VAC14: variants seen among roughly 807,000 people sequenced by gnomAD.
VAC14 encodes the protein VAC14 component of PIKFYVE complex, also known as protein VAC14 homolog.
Under a neutral mutation model 85.3 loss-of-function variants are expected in VAC14, and 47 were observed. That is an observed-to-expected ratio of 0.55 (90% CI 0.44 to 0.70). The LOEUF is 0.70. VAC14 is among the 30% of genes least tolerant of loss of function. VAC14 has a pLI of 0.00. For missense variants in VAC14, 861 were observed against 1,004.3 expected, an observed-to-expected ratio of 0.86 and a Z score of 1.93; for synonymous variants, 447 against 430.5, an observed-to-expected ratio of 1.04 and a Z score of -0.47.
chr16:70,757,162 G>A (rs1475465327), intron 12 of VAC14, among the ~76,000 whole-genome samples: 1 of 152,136 alleles, frequency 6.6e-6, no homozygotes, highest in Non-Finnish European at 1.5e-5. Context: ...AAGACTCTGG[G>A]GACACTTTCT....
intron 13 of VAC14, among the ~76,000 whole-genome samples, chr16:70,737,918 C>G (rs1054350074): frequency 1.3e-5 from 2 of 152,238 alleles, no homozygotes; most frequent in African/African-American, 4.8e-5. Context: ...TCCGGCCTCC[C>G]TCCCTGCTGG....
chr16:70,762,603 C>G lies in VAC14; in HGVS notation c.1308G>C (p.Met436Ile). 6.2e-7 allele frequency: 1 copy of G among 1,614,064 alleles called. No homozygotes were observed. The highest frequency in any genetic ancestry group is 8.5e-7 in the Non-Finnish European group (1 of 1,179,992). Reference sequence around the variant, plus strand: ...GAAAGAGGCTGTCCGTGTGCCGGAACATCTGGAGGGCAGAGAAGCAGGGGT... The same window carrying G: ...GAAAGAGGCTGTCCGTGTGCCGGAAGATCTGGAGGGCAGAGAAGCAGGGGT... ...YHLYIKTPRK[M>I]FRHTDSLFPI... The change falls in exon 12 of 19, where the codon ATG becomes ATC. Residue 436 changes from methionine (M) to isoleucine (I), a missense_variant and splice_region_variant. Met to Ile is a conservative substitution (Grantham distance 10). Coordinates refer to ENST00000261776, the MANE Select transcript of VAC14 (RefSeq NM_018052.5). The surrounding 1 kb of genome is among the most constrained non-coding windows in gnomAD (Gnocchi z 4.1).
chr16:70,782,067 G>A (rs562794791), intron 7 of VAC14, 64 bp from the exon 8 acceptor site: 1 of 1,580,238 alleles, frequency 6.3e-7, no homozygotes, highest in East Asian at 2.3e-5. Context: ...CCCTCCCATT[G>A]ACCATACACG....
chr16:70,703,699 C>G (rs566865751), intron 14 of VAC14, among the ~76,000 whole-genome samples: 58 of 152,212 alleles, frequency 3.8e-4, no homozygotes, highest in Non-Finnish European at 8.2e-4. Context: ...TGGTTTTGTG[C>G]TGGGGGCGGG....
At chr16:70,704,900 T>C (rs1325261774) in intron 14 of VAC14, among the ~76,000 whole-genome samples, 1 of 152,206 alleles carries the variant, frequency 6.6e-6, no homozygotes, top group Admixed American at 6.5e-5. Context: ...AGCTGGACTC[T>C]GCCATGTGGC....
intron 17 of VAC14, among the ~76,000 whole-genome samples, chr16:70,694,559 A>G (rs1304807194): frequency 6.6e-6 from 1 of 152,176 alleles, no homozygotes; most frequent in Non-Finnish European, 1.5e-5. Context: ...TTCAGGCTCC[A>G]GGGCTCAGGC....
chr16:70,752,226 GCTGA>G (rs1567567621), intron 12 of VAC14, among the ~76,000 whole-genome samples: 5 of 152,220 alleles, frequency 3.3e-5, no homozygotes, highest in African/African-American at 4.8e-5. Context: ...AGCGCCTAAC[GCTGA>G]CTGTTAGGTT....
chr16:70,753,437 CAT>C (rs1232986700), intron 12 of VAC14, among the ~76,000 whole-genome samples: 7 of 152,196 alleles, frequency 4.6e-5, no homozygotes, highest in Admixed American at 6.5e-5. Flanking sequence ...AAAATCAACA[CAT>C]GACTTGCAAG....
chr16:70,703,218 A>G (rs1327775386), intron 14 of VAC14, among the ~76,000 whole-genome samples: 1 of 152,268 alleles, frequency 6.6e-6, no homozygotes, highest in Non-Finnish European at 1.5e-5. Flanking sequence ...ACAGTGGAGC[A>G]CAGCTTGCAA....
At chr16:70,789,110 C>CA (rs2034205456) in intron 1 of VAC14, among the ~76,000 whole-genome samples, 3 of 152,096 alleles carry the variant, frequency 2.0e-5, no homozygotes, top group African/African-American at 7.3e-5. Context: ...TGGGAGGACT[C>CA]AAACAGTAAC....
chr16:70,780,528 G>A (rs1339847051), intron 9 of VAC14, among the ~76,000 whole-genome samples: 2 of 152,176 alleles, frequency 1.3e-5, no homozygotes, highest in African/African-American at 4.8e-5. Flanking sequence ...ATGGCTGCTG[G>A]AGACAGCCTG....
chr16:70,776,019 C>A (rs1416787455), intron 9 of VAC14, among the ~76,000 whole-genome samples: 1 of 152,182 alleles, frequency 6.6e-6, no homozygotes, highest in African/African-American at 2.4e-5. Context: ...AATGACAGTA[C>A]CTATACCCTA....
rs2053541646 is a variant in VAC14 at position 70,688,527 on chromosome 16, T to C, written c.2187-437A>G. On this transcript the variant is annotated intron_variant, in intron 18 of 18. Coordinates refer to ENST00000261776, the MANE Select transcript of VAC14 (RefSeq NM_018052.5). ...GAGGCAGGGCTAGGACTGGGGAAAATGGGAATTGCTGAAGAGCCTCTGCCG... is the reference window on the plus strand; with the variant it reads ...GAGGCAGGGCTAGGACTGGGGAAAACGGGAATTGCTGAAGAGCCTCTGCCG... The C allele has an allele frequency of 8.1e-6, 8 of 986,446 alleles. No individual in the cohort carries two copies. In the African/African-American group the frequency reaches 1.2e-4, roughly 15 times the overall value. The allele number at this position is 986,446 out of a possible 1,614,324, so 61.1% of individuals were successfully genotyped here.
Position 70,705,713 on chromosome 16 carries a change from C to T in VAC14, c.1662-6902G>A, listed in dbSNP as rs369858366. 1.3e-4 allele frequency among the ~76,000 whole-genome samples: 20 copies of T among 152,180 alleles called. 3 individuals carry two copies. The highest frequency in any genetic ancestry group is 4.6e-4 in the Admixed American group (7 of 15,302). ...TCTCTACTCCAGCCCTCACTGGCCC[C>T]GCAACGCTGCCCTCCCCATGATGAA... On this transcript the variant is annotated intron_variant, in intron 14 of 18. Transcript: ENST00000261776.
chr16:70,695,882 T>A (rs1211037659), intron 16 of VAC14: 2 of 379,726 alleles, frequency 5.3e-6, no homozygotes, highest in African/African-American at 4.0e-5. Context: ...GAGAGGCTCT[T>A]ATCACAGCGC....
chr16:70,735,263 C>T (rs2054713991), intron 13 of VAC14, among the ~76,000 whole-genome samples: 1 of 152,030 alleles, frequency 6.6e-6, no homozygotes, highest in African/African-American at 2.4e-5. Context: ...GGAGCCATCA[C>T]TTTCTCCCTG....
intron 12 of VAC14, chr16:70,747,894 C>T (rs532593297): frequency 6.6e-6 from 1 of 152,344 alleles, no homozygotes; most frequent in East Asian, 1.9e-4. Context: ...CAGGTACCTA[C>T]TTCCCTGTCA....
intron 1 of VAC14, among the ~76,000 whole-genome samples, chr16:70,795,410 C>A (rs549563298): frequency 6.7e-6 from 1 of 148,968 alleles, no homozygotes; most frequent in African/African-American, 2.5e-5. Context: ...AGGAGAATGG[C>A]GTGAACCTGA....
intron 9 of VAC14, among the ~76,000 whole-genome samples, chr16:70,775,520 T>C (rs746991631): frequency 1.3e-5 from 2 of 152,244 alleles, no homozygotes; most frequent in African/African-American, 2.4e-5. Flanking sequence ...TTTATTTCCA[T>C]GTCTGTACTG....
Sources: allele counts gnomAD v4.1 joint callset (sites outside exome capture counted in the v4.1 genomes callset), GRCh38; gene constraint gnomAD v4.1.1; non-coding constraint Gnocchi (gnomAD v3.1); transcripts MANE v1.5; gene names NCBI Gene and HGNC (gene_info 2026-07-23, HGNC 2026-07-21).